The following KLHL1 variants were observed in gnomAD, a reference collection of about 807,000 sequenced individuals.
KLHL1 encodes the protein kelch-like protein 1.
A neutral mutation model predicts 77.7 loss-of-function variants in KLHL1; 47 were observed. That is an observed-to-expected ratio of 0.60 (90% confidence interval 0.48 to 0.77). KLHL1 has a LOEUF of 0.77. KLHL1 is among the 30% of genes least tolerant of loss of function. KLHL1 has a pLI of 0.00. For missense variants in KLHL1, 925 were observed against 910.8 expected, an observed-to-expected ratio of 1.02 and a Z score of -0.20; for synonymous variants, 360 against 325.2, an observed-to-expected ratio of 1.11 and a Z score of -1.15.
At chr13:69,774,103 A>G (rs1875707115) in intron 7 of KLHL1, among the ~76,000 whole-genome samples, 1 of 151,958 alleles carries the variant, frequency 6.6e-6, no homozygotes, top group African/African-American at 2.4e-5. Context: ...TTCAGTGCTC[A>G]AAAGAATAGT....
intron 5 of KLHL1, among the ~76,000 whole-genome samples, chr13:69,879,394 A>C (rs2138191067): frequency 6.6e-6 from 1 of 152,164 alleles, no homozygotes; most frequent in African/African-American, 2.4e-5. Flanking sequence ...CATCTAACAT[A>C]TTGTGTTTGA....
chr13:70,022,169 T>C (rs1455399433), intron 1 of KLHL1, among the ~76,000 whole-genome samples: 1 of 151,946 alleles, frequency 6.6e-6, no homozygotes, highest in Non-Finnish European at 1.5e-5. Context: ...GTATAAGGTT[T>C]GTTTATATAC....
At chr13:69,913,392 T>C (rs1163021402) in intron 4 of KLHL1, among the ~76,000 whole-genome samples, 1 of 152,172 alleles carries the variant, frequency 6.6e-6, no homozygotes, top group African/African-American at 2.4e-5. Context: ...CACTGCTCCT[T>C]GCTCAGCAGG....
intron 7 of KLHL1, among the ~76,000 whole-genome samples, chr13:69,745,042 G>GT (rs200428292): frequency 2.8e-4 from 41 of 148,238 alleles, no homozygotes; most frequent in African/African-American, 6.2e-4. Flanking sequence ...AGCTTTCCAG[G>GT]TTTTTTTTTT....
intron 1 of KLHL1, among the ~76,000 whole-genome samples, chr13:70,004,769 A>T (rs1460763621): frequency 1.3e-5 from 2 of 151,824 alleles, no homozygotes; most frequent in Non-Finnish European, 2.9e-5. Flanking sequence ...ATGAAATTGA[A>T]TGTCATTCTG....
At chr13:69,949,157 A>G (rs760632763) in intron 3 of KLHL1, among the ~76,000 whole-genome samples, 2 of 151,852 alleles carry the variant, frequency 1.3e-5, no homozygotes, top group East Asian at 3.9e-4. Flanking sequence ...ATATTGTTAC[A>G]TTATTATTAA....
chr13:69,870,848 G>C (rs1271162177), intron 5 of KLHL1, among the ~76,000 whole-genome samples: 2 of 151,968 alleles, frequency 1.3e-5, no homozygotes, highest in African/African-American at 4.8e-5. Flanking sequence ...TGAGAGGTGA[G>C]AGGTGGGCTC....
chr13:70,042,720 C>G (rs1172055538), intron 1 of KLHL1, among the ~76,000 whole-genome samples: 1 of 152,074 alleles, frequency 6.6e-6, no homozygotes. Context: ...AGCACGGACT[C>G]CTATGTTTAT....
intron 1 of KLHL1, among the ~76,000 whole-genome samples, chr13:70,072,834 C>T (rs1409224871): frequency 1.3e-5 from 2 of 152,020 alleles, no homozygotes; most frequent in South Asian, 2.1e-4. Context: ...AAAAACTACA[C>T]CTAGGATCAT....
chr13:69,875,699 T>G (rs1352823724), intron 5 of KLHL1, among the ~76,000 whole-genome samples: 2 of 152,134 alleles, frequency 1.3e-5, no homozygotes, highest in Non-Finnish European at 2.9e-5. Flanking sequence ...TTTTGTAACT[T>G]GAACGGTGAA....
intron 6 of KLHL1, among the ~76,000 whole-genome samples, chr13:69,800,803 T>C (rs1426633422): frequency 1.3e-5 from 2 of 152,170 alleles, no homozygotes; most frequent in Non-Finnish European, 2.9e-5. Flanking sequence ...AAGTCAGTCG[T>C]GAGTAATTTT....
chr13:69,961,731 T>G (rs1401923807), intron 2 of KLHL1, among the ~76,000 whole-genome samples: 1 of 152,032 alleles, frequency 6.6e-6, no homozygotes, highest in Admixed American at 6.6e-5. Flanking sequence ...TTTCTTTATG[T>G]AATGACCCAC....
chr13:69,887,710 C>T (rs954067254), intron 4 of KLHL1, among the ~76,000 whole-genome samples: 5 of 152,160 alleles, frequency 3.3e-5, no homozygotes, highest in African/African-American at 1.2e-4. Flanking sequence ...TCTGAGACCT[C>T]ATCAGGATGG....
At chr13:69,983,856 T>C (rs1008889345) in intron 1 of KLHL1, among the ~76,000 whole-genome samples, 1 of 151,938 alleles carries the variant, frequency 6.6e-6, no homozygotes, top group Non-Finnish European at 1.5e-5. Context: ...CATAGACCAA[T>C]GGAACAGACT....
chr13:69,775,693 G>GTT (rs146568047), intron 7 of KLHL1, among the ~76,000 whole-genome samples: 114 of 150,806 alleles, frequency 7.6e-4, no homozygotes, highest in African/African-American at 2.6e-3. Flanking sequence ...ATGCCTAAGG[G>GTT]TTTTTTTTTG....
intron 5 of KLHL1, among the ~76,000 whole-genome samples, chr13:69,870,639 A>G (rs535678162): frequency 5.3e-5 from 8 of 152,062 alleles, no homozygotes; most frequent in African/African-American, 1.7e-4. Flanking sequence ...ATAAAAATAT[A>G]TATATATTAT....
chr13:69,931,263 A>C (rs919641843), intron 4 of KLHL1, among the ~76,000 whole-genome samples: 1 of 151,784 alleles, frequency 6.6e-6, no homozygotes, highest in African/African-American at 2.4e-5. Context: ...GTGTTAAATA[A>C]ATCTACTAAG....
At chr13:69,731,073 GA>G (rs1873524573) in intron 8 of KLHL1, among the ~76,000 whole-genome samples, 1 of 148,782 alleles carries the variant, frequency 6.7e-6, no homozygotes, top group African/African-American at 2.6e-5. Flanking sequence ...AATATAAATA[GA>G]AAAAGTAGTA....
At chr13:69,820,865 C>A (rs17085438) in intron 6 of KLHL1, among the ~76,000 whole-genome samples, 6,160 of 152,296 alleles carry the variant, frequency 0.04, 156 homozygotes, top group Middle Eastern at 0.065. Flanking sequence ...TGGCACTAGA[C>A]ATTTCCAAGA....
Sources: gnomAD v4.1 joint callset for allele counts (sites outside exome capture counted in the v4.1 genomes callset) on GRCh38, gnomAD v4.1.1 for gene constraint, MANE v1.5 for transcripts, NCBI Gene and HGNC (gene_info 2026-07-23, HGNC 2026-07-21) for gene names.